Variants in WNT2B observed in about 807,000 individuals in gnomAD.
WNT2B encodes protein Wnt-2b.
In WNT2B, 19 loss-of-function variants were observed where a neutral mutation model predicts 40.5. The ratio of observed to expected loss-of-function variants is 0.47; its 90% CI spans 0.33 to 0.69. The LOEUF (loss-of-function observed/expected upper bound fraction) is 0.69, where lower values mean the gene tolerates loss of function less well. WNT2B is among the 30% of genes least tolerant of loss of function. WNT2B has a pLI of 0.02. For missense variants in WNT2B, 467 were observed against 556.4 expected (o/e 0.84, Z 1.62); for synonymous variants, 220 against 211.9 (o/e 1.04, Z -0.33).
Position 112,520,840 on chromosome 1 carries a change from C to T in WNT2B, c.*331C>T. ...TCCTTTTTTCTTTCCTTTGCACCAG[C>T]TTCCCGATACTTCTTGGTGTGCAAG... On this transcript the variant is annotated 3_prime_UTR_variant, in exon 5 of 5. Transcript: ENST00000369684. 1 of 301,720 alleles carries T rather than the reference C, an allele frequency of 3.3e-6. No homozygotes were observed. Among genetic ancestry groups the T allele is most frequent in the Non-Finnish European group, 6.2e-6 (1 of 161,708 alleles). The allele number at this position is 301,720 out of a possible 1,614,324, so 18.7% of individuals were successfully genotyped here.
At chr1:112,491,018 G>T (rs1651584751) in intron 1 of WNT2B, 2 of 1,613,942 alleles carry the variant, frequency 1.2e-6, no homozygotes, top group Non-Finnish European at 1.7e-6. Context: ...CAGACTGAAG[G>T]ATCCTTGAGG....
In WNT2B at chr1:112,494,179, G is replaced by A. The variant is rs184609607; in HGVS notation, c.-94-20695G>A. On this transcript the variant is annotated intron_variant, in intron 1 of 4. Coordinates refer to the WNT2B transcript ENST00000256640. ...ACAAAAATTAGCCATGCTTGGTGGC[G>A]TGCGCCTGTAGTCCCAGCTACTCGG... Among the ~76,000 whole-genome samples the A allele has an allele frequency of 3.9e-4, 59 of 150,764 alleles. 1 individual carries two copies. The highest frequency in any genetic ancestry group is 1.4e-3 in the African/African-American group (56 of 40,448).
intron 1 of WNT2B, among the ~76,000 whole-genome samples, chr1:112,484,593 T>C (rs116179474): frequency 0.062 from 9,358 of 151,698 alleles, 329 homozygotes; most frequent in Middle Eastern, 0.075. Flanking sequence ...ATTTTTTAAA[T>C]TTAAATTTAA....
chr1:112,516,439 A>C (rs1368532291), intron 3 of WNT2B, 22 bp downstream of exon 3: 1 of 1,593,756 alleles, frequency 6.3e-7, no homozygotes, highest in African/African-American at 1.3e-5. Context: ...TGTCTGTGTA[A>C]GTACACTCAT....
Position 112,509,044 on chromosome 1 carries a change from C to A in WNT2B, c.-219C>A. On this transcript the variant is annotated 5_prime_UTR_variant, in exon 1 of 5. Transcript: ENST00000369684. This position sits in a 1 kb window ranked among gnomAD's most constrained non-coding sequence, Gnocchi z 4.2. ...GGTCCTCAGGCAGCGCGCCCCAGACCCCGGGTTCGGCACGCCGTCGTCGGC... is the reference window on the plus strand; with the variant it reads ...GGTCCTCAGGCAGCGCGCCCCAGACACCGGGTTCGGCACGCCGTCGTCGGC... The A allele has an allele frequency of 7.4e-7, 1 of 1,357,024 alleles. No homozygotes were observed. Among genetic ancestry groups the A allele is most frequent in the African/African-American group, 1.5e-5 (1 of 65,056 alleles). 84.1% of individuals were successfully genotyped at this position (1,357,024 alleles called of 1,614,324 possible). A position where few individuals can be genotyped will look rare whatever the true frequency, so the allele number is the denominator to read the frequency against.
rs771669556 is a variant in WNT2B, at chr1:112,526,014, C to T, written c.*5505C>T. ...AAGGTCACATGAACAGTGCGTGGCT[C>T]AGCCAGAACTCAAACCTAGGTCTTC... On this transcript the variant is annotated 3_prime_UTR_variant, in exon 5 of 5. Transcript: ENST00000369684. The T allele has an allele frequency of 6.2e-7, 1 of 1,614,004 alleles. No individual in the cohort carries two copies. The highest frequency in any genetic ancestry group is 1.3e-5 in the African/African-American group (1 of 74,922).
intron 1 of WNT2B, among the ~76,000 whole-genome samples, chr1:112,479,855 C>T (rs989101100): frequency 2.0e-5 from 3 of 151,864 alleles, no homozygotes; most frequent in African/African-American, 7.2e-5. Flanking sequence ...GGACTACAGG[C>T]ACCTGCTACC....
intron 1 of WNT2B, among the ~76,000 whole-genome samples, chr1:112,489,605 T>C (rs925856924): frequency 2.0e-5 from 3 of 152,056 alleles, no homozygotes; most frequent in African/African-American, 7.2e-5. Flanking sequence ...CTAAAGTCCA[T>C]TGCATTATTC....
rs12069022 is a variant in WNT2B at position 112,526,029 on chromosome 1, C to T, written c.*5520C>T. On this transcript the variant is annotated 3_prime_UTR_variant, in exon 5 of 5. Coordinates refer to ENST00000369684, the MANE Select transcript of WNT2B (RefSeq NM_024494.3). The stretch of plus-strand genomic sequence containing the variant: ...GTGCGTGGCTCAGCCAGAACTCAAA[C>T]CTAGGTCTTCTGACTTCAAATCCTG... 9,090 of 1,614,136 alleles carry T rather than the reference C, an allele frequency of 5.6e-3. 458 individuals are homozygous for T. In the African/African-American group the frequency reaches 0.11, roughly 19 times the overall value.
At chr1:112,492,701 A>G (rs1026459704) in intron 1 of WNT2B, among the ~76,000 whole-genome samples, 5 of 152,168 alleles carry the variant, frequency 3.3e-5, no homozygotes, top group Non-Finnish European at 7.3e-5. Flanking sequence ...TGCAGAGTCT[A>G]TCCAAACTAG....
intron 1 of WNT2B, among the ~76,000 whole-genome samples, chr1:112,502,000 C>T (rs1557916149): frequency 6.6e-6 from 1 of 152,248 alleles, no homozygotes; most frequent in Admixed American, 6.5e-5. Context: ...GGCGCGGCGC[C>T]CGGTTCACAG....
In WNT2B at chr1:112,516,198, T is replaced by C. The variant is rs1652531467; in HGVS notation, c.462T>C (p.Ile154=). 3 of 1,614,106 alleles carry C rather than the reference T, an allele frequency of 1.9e-6. No homozygotes were observed. Among genetic ancestry groups the C allele is most frequent in the Non-Finnish European group, 2.5e-6 (3 of 1,180,014 alleles). The part of the protein sequence containing the change: ...AISSAGVVHA[I]TRACSQGELS... Reference sequence around the variant, plus strand: ...CATCAGCAGGGGTAGTCCACGCTATTACTCGCGCCTGTAGCCAGGGTGAAC... The same window carrying C: ...CATCAGCAGGGGTAGTCCACGCTATCACTCGCGCCTGTAGCCAGGGTGAAC... The change falls in exon 3 of 5, where the codon ATT becomes ATC. Residue 154 remains isoleucine, a synonymous_variant. Coordinates refer to ENST00000369684, the MANE Select transcript of WNT2B (RefSeq NM_024494.3).
In WNT2B at chr1:112,527,224, G is replaced by C. The variant is rs1426198871; in HGVS notation, c.*6715G>C. On this transcript the variant is annotated 3_prime_UTR_variant, in exon 5 of 5. Coordinates refer to ENST00000369684, the MANE Select transcript of WNT2B (RefSeq NM_024494.3). The stretch of plus-strand genomic sequence containing the variant: ...TTAAGACAGAAGGGAAAAGTACAAT[G>C]TTCATCAATCATAGCTCTGGGATGC... The C allele has an allele frequency of 6.6e-6, 1 of 152,346 alleles. No individual in the cohort carries two copies. Among genetic ancestry groups the C allele is most frequent in the African/African-American group, 2.4e-5 (1 of 41,476 alleles). 9.4% of individuals were successfully genotyped at this position (152,346 alleles called of 1,614,324 possible). A position where few individuals can be genotyped will look rare whatever the true frequency, so the allele number is the denominator to read the frequency against.
chr1:112,514,908 G>A lies in WNT2B; in HGVS notation c.217G>A (p.Asp73Asn). 1 of 1,614,226 alleles carries A rather than the reference G, an allele frequency of 6.2e-7. No homozygotes were observed. The highest frequency in any genetic ancestry group is 8.5e-7 in the Non-Finnish European group (1 of 1,180,030). The change falls in exon 2 of 5, where the codon GAC becomes AAC. Residue 73 changes from aspartate to asparagine, a missense_variant. Coordinates refer to ENST00000369684, the MANE Select transcript of WNT2B (RefSeq NM_024494.3). ...IGALGARVICDNIPGLVSRQR... is the reference protein window; with the variant it reads ...IGALGARVICNNIPGLVSRQR... ...GGCACTGGGGGCACGAGTGATCTGT[G>A]ACAATATCCCTGGTTTGGTGAGCCG...
Position 112,523,968 on chromosome 1 carries a change from G to A in WNT2B, c.*3459G>A, listed in dbSNP as rs939155217. On this transcript the variant is annotated 3_prime_UTR_variant, in exon 5 of 5. Coordinates refer to ENST00000369684, the MANE Select transcript of WNT2B (RefSeq NM_024494.3). Reference sequence around the variant, plus strand: ...AATCCACACTCTTCCTTAGAGTGATGCTGGAAAAATAAAATCAGGGGCTTC... The same window carrying A: ...AATCCACACTCTTCCTTAGAGTGATACTGGAAAAATAAAATCAGGGGCTTC... 1.3e-5 allele frequency: 2 copies of A among 151,410 alleles called. No homozygotes were observed. Among genetic ancestry groups the A allele is most frequent in the Admixed American group, 6.6e-5 (1 of 15,190 alleles). 9.4% of individuals were successfully genotyped at this position (151,410 alleles called of 1,614,324 possible).
At chr1:112,488,646 G>T (rs866503182) in intron 1 of WNT2B, among the ~76,000 whole-genome samples, 11 of 151,444 alleles carry the variant, frequency 7.3e-5, no homozygotes, top group Admixed American at 7.2e-4. Flanking sequence ...CCACCACCCG[G>T]GTTCACACCA....
Position 112,486,132 on chromosome 1 carries a change from A to AACACACACACACACACACACACACACAC in WNT2B, c.-95+18567_-95+18568insACACACACACACACACACACACACACAC, listed in dbSNP as rs71584737. Among the ~76,000 whole-genome samples, 1,435 of 143,744 alleles carry AACACACACACACACACACACACACACAC rather than the reference A, an allele frequency of 1.0e-2. 17 individuals are homozygous for AACACACACACACACACACACACACACAC. Among genetic ancestry groups the AACACACACACACACACACACACACACAC allele is most frequent in the South Asian group, 0.015 (69 of 4,456 alleles). The allele number at this position is 143,744 out of a possible 152,430, so 94.3% of individuals were successfully genotyped here. ...AGCCTGGGCAAGATAATGAGTTTTT[A>AACACACACACACACACACACACACACAC]ACACACACACACACACACACACACA... is the stretch of plus-strand genomic sequence containing the variant. On this transcript the variant is annotated intron_variant, in intron 1 of 4. Coordinates refer to the WNT2B transcript ENST00000256640.
chr1:112,472,559 G>GAAAAAAAAA (rs35939097), intron 1 of WNT2B, among the ~76,000 whole-genome samples: 1 of 89,126 alleles, frequency 1.1e-5, no homozygotes, highest in Non-Finnish European at 2.5e-5. Context: ...CCCAACCAAT[G>GAAAAAAAAA]AAAAAAAAAA....
chr1:112,509,206 C>T lies in WNT2B; in HGVS notation c.-57C>T, dbSNP rs1047313806. The T allele has an allele frequency of 6.9e-7, 1 of 1,448,034 alleles. No individual in the cohort carries two copies. Among genetic ancestry groups the T allele is most frequent in the African/African-American group, 1.5e-5 (1 of 66,906 alleles). The allele number at this position is 1,448,034 out of a possible 1,614,324, so 89.7% of individuals were successfully genotyped here. On this transcript the variant is annotated 5_prime_UTR_variant, in exon 1 of 5. Transcript: ENST00000369684. This position sits in a 1 kb window ranked among gnomAD's most constrained non-coding sequence, Gnocchi z 4.2. ...GAGGTAGGAGCAGCCTGAGTACCCC[C>T]AGAAGGTGCCCCGTCCACGCCCCTC...
Sources: gnomAD v4.1 joint callset for allele counts (sites outside exome capture counted in the v4.1 genomes callset) on GRCh38, gnomAD v4.1.1 for gene constraint, Gnocchi (gnomAD v3.1) non-coding constraint, MANE v1.5 for transcripts, NCBI Gene and HGNC (gene_info 2026-07-23, HGNC 2026-07-21) for gene names.